Variants in RCSD1 observed in about 807,000 individuals in gnomAD.
The protein encoded by RCSD1 is RCSD domain containing 1, also known as capZ-interacting protein.
Under a neutral mutation model 42.5 loss-of-function variants are expected in RCSD1, and 26 were observed. The observed-to-expected ratio is 0.61, with a 90% CI of 0.45 to 0.85. RCSD1 has a LOEUF of 0.85. Among genes scored for constraint, RCSD1 ranks in the 40% least tolerant of loss-of-function variants. The pLI is 0.00. For synonymous variants in RCSD1, 220 were observed against 212.2 expected (o/e 1.04, Z -0.32); for missense variants, 571 against 528.3 (o/e 1.08, Z -0.79).
At chr1:167,652,160 T>TA (rs1488594325) in intron 1 of RCSD1, among the ~76,000 whole-genome samples, 2 of 151,928 alleles carry the variant, frequency 1.3e-5, no homozygotes, top group African/African-American at 4.8e-5. Flanking sequence ...TAGCTGGGAT[T>TA]ACAGGCATGC....
Position 167,630,314 on chromosome 1 carries a change from C to T in RCSD1, c.-110C>T. 1 of 1,224,406 alleles carries T rather than the reference C, an allele frequency of 8.2e-7. No homozygotes were observed. Among genetic ancestry groups the T allele is most frequent in the Non-Finnish European group, 1.0e-6 (1 of 961,666 alleles). 75.8% of individuals were successfully genotyped at this position (1,224,406 alleles called of 1,614,324 possible). ...GCGCCACCGCCCACTCGCCCTGTGCCCGCCGCAGCCCGAAACTGGCCACGG... is the reference window on the plus strand; with the variant it reads ...GCGCCACCGCCCACTCGCCCTGTGCTCGCCGCAGCCCGAAACTGGCCACGG... On this transcript the variant is annotated 5_prime_UTR_variant, in exon 1 of 7. Transcript: ENST00000367854.
At chr1:167,703,411 T>C (rs1659688714) in intron 6 of RCSD1, among the ~76,000 whole-genome samples, 1 of 152,160 alleles carries the variant, frequency 6.6e-6, no homozygotes, top group African/African-American at 2.4e-5. Context: ...CCCAGTATTT[T>C]AGGAGGCCGA....
intron 4 of RCSD1, among the ~76,000 whole-genome samples, chr1:167,691,030 C>T (rs768606178): frequency 8.6e-5 from 13 of 150,966 alleles, no homozygotes; most frequent in Non-Finnish European, 1.5e-4. Flanking sequence ...GGAGCTGATG[C>T]CAGAGATCTC....
intron 1 of RCSD1, among the ~76,000 whole-genome samples, chr1:167,682,657 G>A (rs533776484): frequency 1.2e-4 from 18 of 147,088 alleles, no homozygotes; most frequent in African/African-American, 4.6e-4. Flanking sequence ...ACAAAAGGAG[G>A]GCCATGGAAG....
chr1:167,653,038 C>T (rs1334059320), intron 1 of RCSD1, among the ~76,000 whole-genome samples: 1 of 152,184 alleles, frequency 6.6e-6, no homozygotes, highest in Admixed American at 6.5e-5. Context: ...TAGAATTAAT[C>T]AAAGTGTAAT....
chr1:167,638,150 G>A (rs1027560021), intron 1 of RCSD1, among the ~76,000 whole-genome samples: 2 of 152,098 alleles, frequency 1.3e-5, no homozygotes, highest in Admixed American at 6.5e-5. Context: ...TGCCCACCAC[G>A]ACCTCCATCT....
At chr1:167,676,401 A>T (rs1658953255) in intron 1 of RCSD1, among the ~76,000 whole-genome samples, 1 of 152,222 alleles carries the variant, frequency 6.6e-6, no homozygotes, top group East Asian at 1.9e-4. Flanking sequence ...AGGATGATAG[A>T]TGTTAATGGC....
chr1:167,661,606 T>G (rs781288856), intron 1 of RCSD1, among the ~76,000 whole-genome samples: 10 of 152,236 alleles, frequency 6.6e-5, no homozygotes, highest in Admixed American at 6.5e-5. Context: ...GCCACCATCC[T>G]GGGCTCCTGG....
In RCSD1 at chr1:167,702,226, G is replaced by A. The variant is rs150181454; in HGVS notation, c.1219-2438G>A. On this transcript the variant is annotated intron_variant, in intron 6 of 6. Coordinates refer to ENST00000367854, the MANE Select transcript of RCSD1 (RefSeq NM_052862.4). ...CAAAGGCTGGAGCAATTTGTTCTTC[G>A]AGAGAAAACAGGGGAAAGTTCCATA... 3.5e-3 allele frequency among the ~76,000 whole-genome samples: 533 copies of A among 152,306 alleles called. 5 individuals carry two copies. The highest frequency in any genetic ancestry group is 0.012 in the African/African-American group (497 of 41,560).
rs148678280 is a variant in RCSD1, at chr1:167,703,604, A to G, written c.1219-1060A>G. ...ATCAGTGACAAATGCCTCTTCCTAT[A>G]AATACCATAGGTTGTCTGCTCTCCT... On this transcript the variant is annotated intron_variant, in intron 6 of 6. Transcript: ENST00000367854. 4.6e-5 allele frequency among the ~76,000 whole-genome samples: 7 copies of G among 152,314 alleles called. No individual in the cohort carries two copies. The East Asian group carries it at 1.4e-3, about 29-fold the overall frequency.
At chr1:167,653,272 T>C (rs1324531935) in intron 1 of RCSD1, among the ~76,000 whole-genome samples, 2 of 152,372 alleles carry the variant, frequency 1.3e-5, no homozygotes, top group South Asian at 2.1e-4. Context: ...TTCTGGTGTT[T>C]ATTTTACACA....
intron 1 of RCSD1, among the ~76,000 whole-genome samples, chr1:167,649,576 T>C (rs1178597123): frequency 6.6e-6 from 1 of 152,138 alleles, no homozygotes; most frequent in East Asian, 1.9e-4. Context: ...TTTCAGGAAG[T>C]TGGCTCTGGC....
rs146227208 is a variant in RCSD1 at position 167,685,466 on chromosome 1, C to G, written c.154C>G (p.Pro52Ala). 6.2e-6 allele frequency: 10 copies of G among 1,613,732 alleles called. No individual in the cohort carries two copies. The African/African-American group carries it at 1.2e-4, about 19-fold the overall frequency. Residue 52 changes from proline (P) to alanine (A), a missense_variant, in exon 3 of 7, where the codon CCC (proline) becomes GCC (alanine). Transcript: ENST00000367854. ...CCGAAGGAAACCGCCCTGTTCCCTCCCCCTGTTCCCCCCCAAGGTAGACCT... is the reference window on the plus strand; with the variant it reads ...CCGAAGGAAACCGCCCTGTTCCCTCGCCCTGTTCCCCCCCAAGGTAGACCT... The part of the protein sequence containing the change: ...PTRRKPPCSL[P>A]LFPPKVDLGQ...
At chr1:167,680,543 T>C (rs568558580) in intron 1 of RCSD1, among the ~76,000 whole-genome samples, 5 of 152,260 alleles carry the variant, frequency 3.3e-5, no homozygotes, top group African/African-American at 4.8e-5. Flanking sequence ...TGCAGTGATG[T>C]GAGCAGGGCT....
chr1:167,637,050 G>A (rs1160840732), intron 1 of RCSD1, among the ~76,000 whole-genome samples: 1 of 152,172 alleles, frequency 6.6e-6, no homozygotes, highest in Non-Finnish European at 1.5e-5. Flanking sequence ...GCAGGGATGA[G>A]AGCTTACACC....
At chr1:167,668,688 G>A (rs917152231) in intron 1 of RCSD1, among the ~76,000 whole-genome samples, 7 of 151,534 alleles carry the variant, frequency 4.6e-5, no homozygotes, top group Non-Finnish European at 1.0e-4. Flanking sequence ...CCAACTGCAG[G>A]GCCTGGAATA....
intron 1 of RCSD1, chr1:167,641,832 G>C (rs1658013281): frequency 1.3e-5 from 2 of 152,234 alleles, no homozygotes; most frequent in Admixed American, 6.5e-5. Context: ...GTTCTGAAAA[G>C]GCAGTGAGTA....
chr1:167,643,460 C>G (rs16859358), intron 1 of RCSD1, among the ~76,000 whole-genome samples: 13,435 of 152,340 alleles, frequency 0.088, 985 homozygotes, highest in East Asian at 0.37. Context: ...TGTCAAAGTA[C>G]TTTCCCGTAT....
intron 1 of RCSD1, among the ~76,000 whole-genome samples, chr1:167,668,214 G>C (rs1197828964): frequency 2.6e-5 from 4 of 152,056 alleles, no homozygotes; most frequent in Non-Finnish European, 4.4e-5. Context: ...GAACCTGGCA[G>C]GCGGAGGTTG....
Sources: allele counts gnomAD v4.1 joint callset (sites outside exome capture counted in the v4.1 genomes callset), GRCh38; gene constraint gnomAD v4.1.1; transcripts MANE v1.5; gene names NCBI Gene and HGNC (gene_info 2026-07-23, HGNC 2026-07-21).